The following SMAD2 variants were observed in gnomAD, a reference collection of about 807,000 sequenced individuals.
SMAD2 encodes the protein SMAD family member 2.
SMAD2 carries 8 observed loss-of-function variants against 64.4 expected under a neutral mutation model. That is an observed-to-expected ratio of 0.12 (90% confidence interval 0.07 to 0.22). The LOEUF (loss-of-function observed/expected upper bound fraction) is 0.22. Ranked by LOEUF, SMAD2 falls within the 10% of genes least tolerant of loss-of-function variation. The probability of loss-of-function intolerance (pLI) is 1.00; values close to 1 mark genes in which losing one functional copy is unlikely to be tolerated. For missense variants in SMAD2, 289 were observed against 561.2 expected, an observed-to-expected ratio of 0.51 and a Z score of 4.90; for synonymous variants, 203 against 195.8, an observed-to-expected ratio of 1.04 and a Z score of -0.31.
In SMAD2 at chr18:47,906,210, ACTT is replaced by A. The variant is rs200387846; in HGVS notation, c.-53-9404_-53-9402del. 4.9e-3 allele frequency among the ~76,000 whole-genome samples: 751 copies of A among 152,282 alleles called. 9 individuals carry two copies. Among genetic ancestry groups the A allele is most frequent in the Admixed American group, 0.017 (255 of 15,298 alleles). On this transcript the variant is annotated intron_variant, in intron 1 of 10. Coordinates refer to ENST00000262160, the MANE Select transcript of SMAD2 (RefSeq NM_005901.6). ...AATCTAAAATGCTCCAAAATCTGAA[ACTT>A]CTTGAGTACCAACATGACACCCCCA...
chr18:47,900,222 A>G (rs1190349278), intron 1 of SMAD2, among the ~76,000 whole-genome samples: 2 of 152,146 alleles, frequency 1.3e-5, no homozygotes, highest in Non-Finnish European at 2.9e-5. Context: ...ATATAAAAAA[A>G]ATTTTCATAC....
In SMAD2 at chr18:47,820,165, C is replaced by G. The variant is rs1912520831; in HGVS notation, c.*21662G>C. 6.6e-6 allele frequency: 1 copy of G among 151,750 alleles called. No homozygotes were observed. The highest frequency in any genetic ancestry group is 2.1e-4 in the South Asian group (1 of 4,794). The allele number at this position is 151,750 out of a possible 1,614,324, so 9.4% of individuals were successfully genotyped here. A position where few individuals can be genotyped will look rare whatever the true frequency, so the allele number is the denominator to read the frequency against. On this transcript the variant is annotated 3_prime_UTR_variant, in exon 11 of 11. Coordinates refer to ENST00000262160, the MANE Select transcript of SMAD2 (RefSeq NM_005901.6). Reference sequence around the variant, plus strand: ...AAAATATTAGTTTGTTCTTGGCTTCCTAAATTATAGAAAGACTAAATATAT... The same window carrying G: ...AAAATATTAGTTTGTTCTTGGCTTCGTAAATTATAGAAAGACTAAATATAT...
chr18:47,826,146 TATATTAG>T lies in SMAD2; in HGVS notation c.*15674_*15680del, dbSNP rs1262585596. 1 of 152,230 alleles carries T rather than the reference TATATTAG, an allele frequency of 6.6e-6. No individual in the cohort carries two copies. The highest frequency in any genetic ancestry group is 1.5e-5 in the Non-Finnish European group (1 of 68,048). 9.4% of individuals were successfully genotyped at this position (152,230 alleles called of 1,614,324 possible). On this transcript the variant is annotated 3_prime_UTR_variant, in exon 11 of 11. Transcript: ENST00000262160. ...ATCCTTTGCTTTTGTCTTCCTTATGTATATTAGATTAGGCTTCTACTCAATGCTCTGT... is the reference window on the plus strand; with the variant it reads ...ATCCTTTGCTTTTGTCTTCCTTATGTATTAGGCTTCTACTCAATGCTCTGT...
chr18:47,918,621 G>A (rs1655506925), intron 1 of SMAD2, among the ~76,000 whole-genome samples: 1 of 152,158 alleles, frequency 6.6e-6, no homozygotes, highest in Admixed American at 6.5e-5. Context: ...ACTATACAGA[G>A]AAAGAAAACA....
At chr18:47,864,954 C>T (rs907367732) in intron 6 of SMAD2, 105 bp downstream of exon 6, 17 of 718,550 alleles carry the variant, frequency 2.4e-5, no homozygotes, top group Non-Finnish European at 4.0e-5. Context: ...TTTTGGTATG[C>T]GTCTCAACTT....
rs556561829 is a variant in SMAD2 at position 47,840,167 on chromosome 18, T to C, written c.*1660A>G. 3.3e-4 allele frequency: 77 copies of C among 233,062 alleles called. No homozygotes were observed. The highest frequency in any genetic ancestry group is 1.4e-3 in the African/African-American group (62 of 45,438). The allele number at this position is 233,062 out of a possible 1,614,324, so 14.4% of individuals were successfully genotyped here. A position where few individuals can be genotyped will look rare whatever the true frequency, so the allele number is the denominator to read the frequency against. On this transcript the variant is annotated 3_prime_UTR_variant, in exon 11 of 11. Transcript: ENST00000262160. Reference sequence around the variant, plus strand: ...ATATAGGAAAATGGGGAGTACCCAATAGAAAACCACCAAATGTTGAAAGTA... The same window carrying C: ...ATATAGGAAAATGGGGAGTACCCAACAGAAAACCACCAAATGTTGAAAGTA...
At chr18:47,896,164 CCT>C (rs1241166569) in intron 2 of SMAD2, among the ~76,000 whole-genome samples, 5 of 152,158 alleles carry the variant, frequency 3.3e-5, no homozygotes, top group Non-Finnish European at 5.9e-5. Flanking sequence ...TCTTTTCACC[CCT>C]GATGAAAGTT....
At chr18:47,868,865 T>G (rs1169730880) in intron 4 of SMAD2, among the ~76,000 whole-genome samples, 1 of 152,196 alleles carries the variant, frequency 6.6e-6, no homozygotes, top group Non-Finnish European at 1.5e-5. Flanking sequence ...TGTTACAAGC[T>G]TTACTAAACG....
intron 1 of SMAD2, among the ~76,000 whole-genome samples, chr18:47,902,105 G>A (rs1357171101): frequency 1.3e-5 from 2 of 152,024 alleles, no homozygotes; most frequent in African/African-American, 4.8e-5. Flanking sequence ...ATATACTGAG[G>A]GCGTTCTCTG....
intron 2 of SMAD2, among the ~76,000 whole-genome samples, chr18:47,894,397 G>A (rs996138570): frequency 2.6e-5 from 4 of 152,094 alleles, no homozygotes; most frequent in East Asian, 1.9e-4. Flanking sequence ...AACCTCACCC[G>A]TCACCCTCAG....
intron 1 of SMAD2, among the ~76,000 whole-genome samples, chr18:47,918,385 T>C (rs1449951409): frequency 6.6e-6 from 1 of 152,164 alleles, no homozygotes; most frequent in African/African-American, 2.4e-5. Flanking sequence ...AAGACTTCAC[T>C]AGGGTACCTG....
chr18:47,882,041 CTTTTTTT>C lies in SMAD2; in HGVS notation c.237-11484_237-11478del, dbSNP rs71162900. On this transcript the variant is annotated intron_variant, in intron 2 of 10. Coordinates refer to ENST00000262160, the MANE Select transcript of SMAD2 (RefSeq NM_005901.6). Reference sequence around the variant, plus strand: ...CACAGGAATGTACTACCACGCTTGGCTTTTTTTTTTTTTTTTTTTTTTTTTTGTGGAG... The same window carrying C: ...CACAGGAATGTACTACCACGCTTGGCTTTTTTTTTTTTTTTTTTTGTGGAG... Among the ~76,000 whole-genome samples, 286 of 38,862 alleles carry C rather than the reference CTTTTTTT, an allele frequency of 7.4e-3. 9 individuals are homozygous for C. The highest frequency in any genetic ancestry group is 0.025 in the Middle Eastern group (1 of 40). 25.5% of individuals were successfully genotyped at this position (38,862 alleles called of 152,430 possible). A position where few individuals can be genotyped will look rare whatever the true frequency, so the allele number is the denominator to read the frequency against.
chr18:47,930,574 A>AGAGGG lies in SMAD2; in HGVS notation c.-272_-268dup, dbSNP rs1166970619. ...CGGGCGCGCGGGAGGGTAGGGGAAG[A>AGAGGG]GAGGGGAGGGGAGGGGAGGAGAGGG... is the stretch of plus-strand genomic sequence containing the variant. On this transcript the variant is annotated 5_prime_UTR_variant, in exon 1 of 11. Coordinates refer to ENST00000262160, the MANE Select transcript of SMAD2 (RefSeq NM_005901.6). The AGAGGG allele has an allele frequency of 4.8e-4, 65 of 135,160 alleles. No individual in the cohort carries two copies. Among genetic ancestry groups the AGAGGG allele is most frequent in the African/African-American group, 1.5e-3 (54 of 36,088 alleles). The allele number at this position is 135,160 out of a possible 1,614,324, so 8.4% of individuals were successfully genotyped here.
intron 8 of SMAD2, among the ~76,000 whole-genome samples, chr18:47,846,646 G>A (rs1050396033): frequency 6.6e-6 from 1 of 152,150 alleles, no homozygotes; most frequent in Non-Finnish European, 1.5e-5. Flanking sequence ...GGCACCATGT[G>A]ACAAGGAATT....
intron 1 of SMAD2, among the ~76,000 whole-genome samples, chr18:47,905,658 G>A (rs1347333448): frequency 6.6e-6 from 1 of 152,126 alleles, no homozygotes; most frequent in Non-Finnish European, 1.5e-5. Context: ...TAAGGCCCAA[G>A]GTCAATCTAG....
rs1913676928 is a variant in SMAD2 at position 47,838,849 on chromosome 18, A to G, written c.*2978T>C. On this transcript the variant is annotated 3_prime_UTR_variant, in exon 11 of 11. Transcript: ENST00000262160. ...ATATTACTCATCTTAGAAATGTGAT[A>G]GAAAGCATGGCCATTCGGTTCTCAG... 1 of 232,968 alleles carries G rather than the reference A, an allele frequency of 4.3e-6. No individual in the cohort carries two copies. Among genetic ancestry groups the G allele is most frequent in the Non-Finnish European group, 8.5e-6 (1 of 117,850 alleles). 14.4% of individuals were successfully genotyped at this position (232,968 alleles called of 1,614,324 possible).
intron 2 of SMAD2, among the ~76,000 whole-genome samples, chr18:47,890,844 TAC>T (rs1160349432): frequency 6.6e-6 from 1 of 152,242 alleles, no homozygotes; most frequent in African/African-American, 2.4e-5. Context: ...GGAAGAATAC[TAC>T]AGTTTGGGTT....
In SMAD2 at chr18:47,862,654, G is replaced by A. The variant is rs1282244467; in HGVS notation, c.730+2405C>T. On this transcript the variant is annotated intron_variant, in intron 6 of 10. Transcript: ENST00000262160. The stretch of plus-strand genomic sequence containing the variant: ...CTCCCAAACAAGGCCACATTCTGAG[G>A]TATTGGAGGTTAGCACCTCATTTTA... Among the ~76,000 whole-genome samples, 3 of 152,314 alleles carry A rather than the reference G, an allele frequency of 2.0e-5. No homozygotes were observed. The East Asian group carries it at 5.8e-4, about 29-fold the overall frequency.
chr18:47,929,744 A>G (rs1002054761), intron 1 of SMAD2, among the ~76,000 whole-genome samples: 1 of 152,232 alleles, frequency 6.6e-6, no homozygotes, highest in African/African-American at 2.4e-5. Flanking sequence ...ACCTGACCCA[A>G]AGACAATATC....
Sources: allele counts gnomAD v4.1 joint callset (sites outside exome capture counted in the v4.1 genomes callset), GRCh38; gene constraint gnomAD v4.1.1; transcripts MANE v1.5; gene names NCBI Gene and HGNC (gene_info 2026-07-23, HGNC 2026-07-21).